PSMD14: variants seen among roughly 807,000 people sequenced by gnomAD.
The protein encoded by PSMD14 is ubiquitin C-terminal hydrolase PSMD14.
PSMD14 carries 7 observed loss-of-function variants against 41.2 expected under a neutral mutation model. The ratio of observed to expected loss-of-function variants is 0.17; its 90% CI spans 0.10 to 0.32. The LOEUF (loss-of-function observed/expected upper bound fraction) is 0.32. Among genes scored for constraint, PSMD14 ranks in the 10% least tolerant of loss-of-function variants. The pLI is 1.00. For missense variants in PSMD14, 139 were observed against 375.6 expected (o/e 0.37, Z 5.21); for synonymous variants, 114 against 122.3 (o/e 0.93, Z 0.45).
At position 161,385,457 on chromosome 2, in the gene PSMD14, T is replaced by G; in HGVS notation, c.463-7T>G. 1.9e-6 allele frequency: 3 copies of G among 1,578,562 alleles called. No individual in the cohort carries two copies. Among genetic ancestry groups the G allele is most frequent in the Non-Finnish European group, 2.6e-6 (3 of 1,156,364 alleles). On this transcript the variant is annotated splice_polypyrimidine_tract_variant and splice_region_variant and intron_variant, in intron 7 of 11. Coordinates refer to ENST00000409682, the MANE Select transcript of PSMD14 (RefSeq NM_005805.6). The stretch of plus-strand genomic sequence containing the variant: ...AAAAAAATTGACTTGACACCTTGTT[T>G]TTACAGGTTGTTATTGATGCCTTCA...
intron 3 of PSMD14, among the ~76,000 whole-genome samples, chr2:161,327,622 A>G (rs1240365002): frequency 2.0e-5 from 3 of 152,088 alleles, no homozygotes; most frequent in Non-Finnish European, 4.4e-5. Flanking sequence ...CCTCAAGACA[A>G]TATTACTAAT....
intron 7 of PSMD14, 34 bp from the exon 8 acceptor site, chr2:161,385,430 A>T (rs559999791): frequency 1.9e-4 from 244 of 1,291,346 alleles, no homozygotes; most frequent in Middle Eastern, 7.4e-4. Flanking sequence ...CTTGCTTTTT[A>T]AAAAAAAATT....
At chr2:161,362,497 G>A (rs1282152856) in intron 3 of PSMD14, among the ~76,000 whole-genome samples, 1 of 152,116 alleles carries the variant, frequency 6.6e-6, no homozygotes, top group Non-Finnish European at 1.5e-5. Flanking sequence ...TTTGAGGAGT[G>A]GGATGCTCAA....
At position 161,327,981 on chromosome 2, in the gene PSMD14, T is replaced by A. The variant is rs188111576; in HGVS notation, c.48+9108T>A. Among the ~76,000 whole-genome samples the A allele has an allele frequency of 4.1e-4, 61 of 149,018 alleles. 1 individual carries two copies. The highest frequency in any genetic ancestry group is 1.5e-3 in the African/African-American group (60 of 39,482). On this transcript the variant is annotated intron_variant, in intron 3 of 11. Transcript: ENST00000409682. ...GTGTGTGTGTGTGTGTGTGTGTGTG[T>A]GTGAGATGTTGGTTAGGAATTATAG... is the stretch of plus-strand genomic sequence containing the variant.
chr2:161,402,160 C>T (rs1318442248), intron 10 of PSMD14, among the ~76,000 whole-genome samples: 4 of 152,190 alleles, frequency 2.6e-5, no homozygotes, highest in African/African-American at 9.6e-5. Context: ...TGCCTTACCT[C>T]TTAATTGGTT....
chr2:161,325,567 T>C (rs1559038528), intron 3 of PSMD14, among the ~76,000 whole-genome samples: 1 of 152,202 alleles, frequency 6.6e-6, no homozygotes, highest in African/African-American at 2.4e-5. Flanking sequence ...ATGAGGACTC[T>C]ATATCACCAC....
intron 3 of PSMD14, among the ~76,000 whole-genome samples, chr2:161,320,600 T>C (rs984280517): frequency 6.6e-6 from 1 of 152,136 alleles, no homozygotes; most frequent in African/African-American, 2.4e-5. Context: ...ATTTTCTTTT[T>C]CTCTAAAATT....
In PSMD14 at chr2:161,359,603, T is replaced by C. The variant is rs147107236; in HGVS notation, c.49-7875T>C. Among the ~76,000 whole-genome samples, 234 of 152,316 alleles carry C rather than the reference T, an allele frequency of 1.5e-3. 1 individual carries two copies. The highest frequency in any genetic ancestry group is 4.1e-3 in the Admixed American group (63 of 15,290). ...CTCTCTATAGCCCACTGTGCCCATC[T>C]AGACTTCAGGAAATATGGGGAGACA... On this transcript the variant is annotated intron_variant, in intron 3 of 11. Transcript: ENST00000409682.
In PSMD14 at chr2:161,308,459, T is replaced by A. The variant is rs1302238281; in HGVS notation, c.-283T>A. On this transcript the variant is annotated 5_prime_UTR_variant, in exon 1 of 12. Transcript: ENST00000409682. ...GCGGCGGAGGCCCGGGCAACTCTTT[T>A]GAATGGAATCGGGCTGATTCATCGC... The A allele has an allele frequency of 6.6e-6, 1 of 152,252 alleles. No homozygotes were observed. The highest frequency in any genetic ancestry group is 1.5e-5 in the Non-Finnish European group (1 of 68,062). The allele number at this position is 152,252 out of a possible 1,614,324, so 9.4% of individuals were successfully genotyped here.
intron 3 of PSMD14, among the ~76,000 whole-genome samples, chr2:161,345,514 G>A (rs1559043462): frequency 6.6e-6 from 1 of 151,926 alleles, no homozygotes; most frequent in African/African-American, 2.4e-5. Flanking sequence ...GCCCACCTCT[G>A]CCTCCCAAAG....
intron 3 of PSMD14, among the ~76,000 whole-genome samples, chr2:161,324,908 A>G (rs1362342868): frequency 1.3e-5 from 2 of 152,270 alleles, no homozygotes; most frequent in Middle Eastern, 3.4e-3. Flanking sequence ...GGTCACTTTT[A>G]GGTGAAAGCT....
intron 3 of PSMD14, among the ~76,000 whole-genome samples, chr2:161,323,522 G>A (rs1682641612): frequency 6.6e-6 from 1 of 152,096 alleles, no homozygotes; most frequent in Non-Finnish European, 1.5e-5. Context: ...AATCACCTGG[G>A]TGTCGTGGTG....
At position 161,364,529 on chromosome 2, in the gene PSMD14, A is replaced by G. The variant is rs376640652; in HGVS notation, c.49-2949A>G. ...GCCCTGCCTTGGCCCCCCTCCCCTC[A>G]TATCAGCTGTTCATGTTCTTACATA... On this transcript the variant is annotated intron_variant, in intron 3 of 11. Coordinates refer to ENST00000409682, the MANE Select transcript of PSMD14 (RefSeq NM_005805.6). Among the ~76,000 whole-genome samples the G allele has an allele frequency of 4.4e-4, 67 of 151,454 alleles. 3 individuals carry two copies. In the South Asian group the frequency reaches 5.9e-3, roughly 13 times the overall value.
chr2:161,357,707 T>G (rs984103384), intron 3 of PSMD14, among the ~76,000 whole-genome samples: 1 of 152,162 alleles, frequency 6.6e-6, no homozygotes, highest in Non-Finnish European at 1.5e-5. Flanking sequence ...ATTCAGATGT[T>G]TCTTATTTAC....
chr2:161,312,105 G>A (rs1419112850), intron 1 of PSMD14, among the ~76,000 whole-genome samples: 3 of 151,738 alleles, frequency 2.0e-5, no homozygotes, highest in African/African-American at 4.8e-5. Flanking sequence ...TAACAAATAC[G>A]GAGTAGCTTG....
At chr2:161,396,322 G>A (rs138541092) in intron 10 of PSMD14, among the ~76,000 whole-genome samples, 2,352 of 152,236 alleles carry the variant, frequency 0.015, 45 homozygotes, top group Non-Finnish European at 0.018. Context: ...AGAGATGTAT[G>A]CACTCCCATG....
chr2:161,341,350 G>A, intron 3 of PSMD14: 1 of 1,002,152 alleles, frequency 1.0e-6, no homozygotes. Context: ...CCGAGTGCCG[G>A]CCAGCTGCGA....
intron 3 of PSMD14, among the ~76,000 whole-genome samples, chr2:161,329,378 G>A (rs1338150053): frequency 6.6e-6 from 1 of 151,898 alleles, no homozygotes; most frequent in African/African-American, 2.4e-5. Flanking sequence ...TATAAGCACT[G>A]GCATAGTAGT....
chr2:161,387,602 A>T (rs1683649980), intron 8 of PSMD14, among the ~76,000 whole-genome samples: 1 of 152,036 alleles, frequency 6.6e-6, no homozygotes, highest in Admixed American at 6.6e-5. Context: ...GGGAAAGTTC[A>T]AATATGTTAA....
Sources: allele counts gnomAD v4.1 joint callset (sites outside exome capture counted in the v4.1 genomes callset), GRCh38; gene constraint gnomAD v4.1.1; transcripts MANE v1.5; gene names NCBI Gene and HGNC (gene_info 2026-07-23, HGNC 2026-07-21).